Variants in MEF2A observed in about 807,000 individuals in gnomAD.
MEF2A encodes the protein myocyte enhancer factor 2A.
Under a neutral mutation model 55.8 loss-of-function variants are expected in MEF2A, and 28 were observed. That is an observed-to-expected ratio of 0.50 (90% CI 0.37 to 0.69). The LOEUF is 0.69. Ranked by LOEUF, MEF2A falls within the 30% of genes least tolerant of loss-of-function variation. MEF2A has a pLI of 0.00. For missense variants in MEF2A, 528 were observed against 626.2 expected, an observed-to-expected ratio of 0.84 and a Z score of 1.67; for synonymous variants, 239 against 227.1, an observed-to-expected ratio of 1.05 and a Z score of -0.47.
intron 2 of MEF2A, among the ~76,000 whole-genome samples, chr15:99,627,191 G>A (rs932071139): frequency 2.6e-5 from 4 of 151,768 alleles, no homozygotes; most frequent in African/African-American, 9.7e-5. Context: ...CACGAAGTGG[G>A]TTAGGGCCAG....
At chr15:99,571,758 G>C (rs1391174232) in intron 1 of MEF2A, among the ~76,000 whole-genome samples, 1 of 151,862 alleles carries the variant, frequency 6.6e-6, no homozygotes, top group East Asian at 1.9e-4. Context: ...AAACCCTGGT[G>C]TCTCTGCTGG....
Position 99,606,125 on chromosome 15 carries a change from C to A in MEF2A, c.-143+7614C>A, listed in dbSNP as rs538452212. ...GGGTTCACATGTACACGGACACTTG[C>A]TTTATGACAAAACGCACACTTTAGT... On this transcript the variant is annotated intron_variant, in intron 2 of 11. Coordinates refer to ENST00000557942, the MANE Select transcript of MEF2A (RefSeq NM_001319206.4). Among the ~76,000 whole-genome samples, 4 of 152,290 alleles carry A rather than the reference C, an allele frequency of 2.6e-5. No individual in the cohort carries two copies. The East Asian group carries it at 7.7e-4, about 29-fold the overall frequency.
At chr15:99,644,277 T>C (rs1224635198) in intron 3 of MEF2A, among the ~76,000 whole-genome samples, 1 of 152,246 alleles carries the variant, frequency 6.6e-6, no homozygotes, top group Admixed American at 6.5e-5. Flanking sequence ...AAACAGATAC[T>C]CTGCTTAAAT....
intron 4 of MEF2A, 155 bp downstream of exon 4, chr15:99,645,919 G>T: frequency 1.8e-6 from 1 of 545,586 alleles, no homozygotes; most frequent in Non-Finnish European, 3.2e-6. Flanking sequence ...ATTGCTGTAT[G>T]GCGACTCACT....
intron 8 of MEF2A, among the ~76,000 whole-genome samples, chr15:99,699,870 A>T (rs1206073165): frequency 6.6e-6 from 1 of 151,922 alleles, no homozygotes; most frequent in African/African-American, 2.4e-5. Context: ...AGAAAGTTGC[A>T]GATAACCCAG....
rs141064113 is a variant in MEF2A, at chr15:99,596,858, C to T, written c.-224-1572C>T. On this transcript the variant is annotated intron_variant, in intron 1 of 11. Transcript: ENST00000557942. Reference sequence around the variant, plus strand: ...GTTGCGAGAAGTCAGGGACCCCAAACGGAGGGACTGGCTGAAGCCATGGCA... The same window carrying T: ...GTTGCGAGAAGTCAGGGACCCCAAATGGAGGGACTGGCTGAAGCCATGGCA... Among the ~76,000 whole-genome samples, 134 of 152,264 alleles carry T rather than the reference C, an allele frequency of 8.8e-4. 1 individual carries two copies. The highest frequency in any genetic ancestry group is 2.7e-3 in the African/African-American group (113 of 41,554).
At chr15:99,597,108 C>T (rs1263213454) in intron 1 of MEF2A, among the ~76,000 whole-genome samples, 2 of 152,146 alleles carry the variant, frequency 1.3e-5, no homozygotes, top group African/African-American at 2.4e-5. Flanking sequence ...AACAGGATAA[C>T]AGCAATGTTT....
At chr15:99,684,559 TG>T (rs1235173017) in intron 7 of MEF2A, among the ~76,000 whole-genome samples, 1 of 152,220 alleles carries the variant, frequency 6.6e-6, no homozygotes, top group African/African-American at 2.4e-5. Flanking sequence ...TTGATGGGAT[TG>T]TTTTTTTCTT....
chr15:99,581,150 T>A (rs2581467), intron 1 of MEF2A, among the ~76,000 whole-genome samples: 98,205 of 151,934 alleles, frequency 0.65, 35,158 homozygotes, highest in Middle Eastern at 0.85. Flanking sequence ...TTCCTTAGAG[T>A]TAGTAAGTAG....
At chr15:99,639,597 G>C (rs898085237) in intron 3 of MEF2A, among the ~76,000 whole-genome samples, 1 of 152,130 alleles carries the variant, frequency 6.6e-6, no homozygotes, top group Non-Finnish European at 1.5e-5. Flanking sequence ...GTTTCAGAAG[G>C]AATTGCTAGG....
At chr15:99,624,918 A>G (rs2041825158) in intron 2 of MEF2A, among the ~76,000 whole-genome samples, 1 of 152,064 alleles carries the variant, frequency 6.6e-6, no homozygotes, top group Non-Finnish European at 1.5e-5. Context: ...ACGATACCCA[A>G]CTTACAGTGG....
intron 2 of MEF2A, among the ~76,000 whole-genome samples, chr15:99,606,569 A>T (rs970281124): frequency 6.6e-6 from 1 of 152,180 alleles, no homozygotes; most frequent in Admixed American, 6.5e-5. Flanking sequence ...AATGGGCAAG[A>T]GACATGAAAA....
chr15:99,624,169 T>G (rs148350037), intron 2 of MEF2A, among the ~76,000 whole-genome samples: 5 of 152,254 alleles, frequency 3.3e-5, no homozygotes, highest in Non-Finnish European at 7.3e-5. Context: ...TGCCGTTTGA[T>G]GCACAGAAGT....
intron 2 of MEF2A, among the ~76,000 whole-genome samples, chr15:99,629,237 G>A (rs1046762610): frequency 1.1e-4 from 17 of 152,116 alleles, no homozygotes; most frequent in African/African-American, 3.6e-4. Flanking sequence ...GATCGAGACC[G>A]TCCTGGTGTT....
chr15:99,654,062 T>C (rs1266110100), intron 4 of MEF2A, among the ~76,000 whole-genome samples: 1 of 152,148 alleles, frequency 6.6e-6, no homozygotes, highest in African/African-American at 2.4e-5. Context: ...TATTATATAA[T>C]TAAAATATTT....
At chr15:99,569,632 A>C (rs1340145243) in intron 1 of MEF2A, among the ~76,000 whole-genome samples, 1 of 152,222 alleles carries the variant, frequency 6.6e-6, no homozygotes, top group Non-Finnish European at 1.5e-5. Flanking sequence ...TCTGTCTTTT[A>C]GGGATTGACT....
chr15:99,697,576 TGAAA>T (rs1223306140), intron 8 of MEF2A, among the ~76,000 whole-genome samples: 1 of 148,960 alleles, frequency 6.7e-6, no homozygotes, highest in Admixed American at 6.6e-5. Flanking sequence ...ATGAAAGAAA[TGAAA>T]GAAGACCTAG....
intron 4 of MEF2A, among the ~76,000 whole-genome samples, chr15:99,662,807 C>A (rs1347861155): frequency 6.6e-6 from 1 of 152,150 alleles, no homozygotes; most frequent in Non-Finnish European, 1.5e-5. Context: ...TTTACAAGCA[C>A]TTGCTTATAC....
chr15:99,628,934 C>T (rs1329181523), intron 2 of MEF2A, among the ~76,000 whole-genome samples: 3 of 150,166 alleles, frequency 2.0e-5, no homozygotes, highest in Non-Finnish European at 4.4e-5. Context: ...CTTAAAGTTG[C>T]CTCTCTATTT....
Sources: gnomAD v4.1 joint callset for allele counts (sites outside exome capture counted in the v4.1 genomes callset) on GRCh38, gnomAD v4.1.1 for gene constraint, MANE v1.5 for transcripts, NCBI Gene and HGNC (gene_info 2026-07-23, HGNC 2026-07-21) for gene names.